LHFPL3: variants seen among roughly 807,000 people sequenced by gnomAD.
LHFPL3 encodes LHFPL tetraspan subfamily member 3 protein.
In LHFPL3, 5 loss-of-function variants were observed where a neutral mutation model predicts 19.3. That is an observed-to-expected ratio of 0.26 (90% CI 0.14 to 0.54). LHFPL3 has a LOEUF of 0.54. LHFPL3 is among the 20% of genes least tolerant of loss of function. LHFPL3 has a pLI of 0.94. For missense variants in LHFPL3, 249 were observed against 307.4 expected, an observed-to-expected ratio of 0.81 and a Z score of 1.42; for synonymous variants, 133 against 126.2, an observed-to-expected ratio of 1.05 and a Z score of -0.36.
At chr7:104,892,008 A>G (rs1792254314) in intron 2 of LHFPL3, among the ~76,000 whole-genome samples, 3 of 152,244 alleles carry the variant, frequency 2.0e-5, no homozygotes, top group Non-Finnish European at 4.4e-5. Flanking sequence ...TTCTATTGTT[A>G]TGACTTCTCA....
At chr7:104,343,030 C>T (rs1422197791) in intron 1 of LHFPL3, among the ~76,000 whole-genome samples, 1 of 144,518 alleles carries the variant, frequency 6.9e-6, no homozygotes, top group Non-Finnish European at 1.5e-5. Flanking sequence ...TCTAGAAAAC[C>T]AAACAAATGA....
At chr7:104,452,805 A>G (rs1792466225) in intron 1 of LHFPL3, among the ~76,000 whole-genome samples, 1 of 152,150 alleles carries the variant, frequency 6.6e-6, no homozygotes, top group African/African-American at 2.4e-5. Context: ...TTTAAGTTAA[A>G]AGGATGCTTA....
In LHFPL3 at chr7:104,430,424, A is replaced by ATG. The variant is rs1791961811; in HGVS notation, c.445+101201_445+101202insGT. ...TATATACATATATATATATACATAT[A>ATG]TATATATATATATATATATATATAT... On this transcript the variant is annotated intron_variant, in intron 1 of 2. Coordinates refer to ENST00000424859, the MANE Select transcript of LHFPL3 (RefSeq NM_199000.3). Among the ~76,000 whole-genome samples, 8 of 11,206 alleles carry ATG rather than the reference A, an allele frequency of 7.1e-4. 1 individual carries two copies. The highest frequency in any genetic ancestry group is 1.3e-3 in the African/African-American group (5 of 3,772). The allele number at this position is 11,206 out of a possible 152,430, so 7.4% of individuals were successfully genotyped here.
Position 104,908,491 on chromosome 7 carries a change from G to A in LHFPL3, c.*2276G>A, listed in dbSNP as rs1792662554. ...TTTTTTAAGGTCCAAGAAATGTAAA[G>A]AAATTTGTTGGAATACCTGAATTTC... On this transcript the variant is annotated 3_prime_UTR_variant, in exon 3 of 3. Coordinates refer to ENST00000424859, the MANE Select transcript of LHFPL3 (RefSeq NM_199000.3). Among the ~76,000 whole-genome samples, 1 of 151,886 alleles carries A rather than the reference G, an allele frequency of 6.6e-6. No homozygotes were observed. Among genetic ancestry groups the A allele is most frequent in the African/African-American group, 2.4e-5 (1 of 41,362 alleles).
intron 1 of LHFPL3, among the ~76,000 whole-genome samples, chr7:104,664,528 G>A (rs1792295027): frequency 2.0e-5 from 3 of 152,072 alleles, no homozygotes; most frequent in Admixed American, 1.3e-4. Flanking sequence ...CCTATGGCAG[G>A]GGTCAGCAAA....
rs115236572 is a variant in LHFPL3 at position 104,538,381 on chromosome 7, C to T, written c.446-198294C>T. ...GAGCTGAGTTACGAAAGCTAGAGCCCAATATAGAAGAGACTGCCTCTTAGA... is the reference window on the plus strand; with the variant it reads ...GAGCTGAGTTACGAAAGCTAGAGCCTAATATAGAAGAGACTGCCTCTTAGA... On this transcript the variant is annotated intron_variant, in intron 1 of 2. Coordinates refer to ENST00000424859, the MANE Select transcript of LHFPL3 (RefSeq NM_199000.3). 1.7e-3 allele frequency among the ~76,000 whole-genome samples: 261 copies of T among 152,224 alleles called. 2 individuals carry two copies. The highest frequency in any genetic ancestry group is 6.0e-3 in the African/African-American group (251 of 41,542).
At chr7:104,872,593 C>T (rs899932290) in intron 2 of LHFPL3, among the ~76,000 whole-genome samples, 8 of 151,122 alleles carry the variant, frequency 5.3e-5, no homozygotes, top group Non-Finnish European at 1.0e-4. Context: ...GGCAGTGAGC[C>T]GAGATCACAC....
intron 1 of LHFPL3, among the ~76,000 whole-genome samples, chr7:104,467,981 C>G (rs1033490852): frequency 1.3e-5 from 2 of 152,176 alleles, no homozygotes; most frequent in African/African-American, 4.8e-5. Context: ...TTATCTGGCT[C>G]TAACTCAGGA....
At position 104,460,622 on chromosome 7, in the gene LHFPL3, T is replaced by C. The variant is rs192805233; in HGVS notation, c.445+131398T>C. ...CAGTGATATTGAGGTTTTTTTAATA[T>C]GATTGTTGCCCACATGTATGTCTTC... On this transcript the variant is annotated intron_variant, in intron 1 of 2. Transcript: ENST00000424859. Among the ~76,000 whole-genome samples the C allele has an allele frequency of 1.2e-3, 184 of 152,344 alleles. 4 individuals are homozygous for C. In the East Asian group the frequency reaches 0.032, roughly 27 times the overall value.
chr7:104,802,844 G>A (rs1417044110), intron 2 of LHFPL3: 2 of 152,196 alleles, frequency 1.3e-5, no homozygotes, highest in South Asian at 2.1e-4. Context: ...CTTACCTGGA[G>A]GTTATAAGCC....
intron 1 of LHFPL3, among the ~76,000 whole-genome samples, chr7:104,644,817 A>G (rs1036716249): frequency 6.6e-6 from 1 of 152,084 alleles, no homozygotes; most frequent in Non-Finnish European, 1.5e-5. Context: ...GAACGTAAGT[A>G]TCACCTTGAG....
intron 1 of LHFPL3, among the ~76,000 whole-genome samples, chr7:104,642,778 C>T (rs766198082): frequency 1.2e-4 from 18 of 152,188 alleles, no homozygotes; most frequent in South Asian, 2.1e-4. Flanking sequence ...CTGCCAGATC[C>T]GTCAGAAGGC....
At chr7:104,503,084 C>A (rs1302480542) in intron 1 of LHFPL3, among the ~76,000 whole-genome samples, 1 of 150,656 alleles carries the variant, frequency 6.6e-6, no homozygotes, top group African/African-American at 2.5e-5. Flanking sequence ...TTTAATTATA[C>A]AACTGCTCAC....
chr7:104,892,644 G>A (rs1792273198), intron 2 of LHFPL3, among the ~76,000 whole-genome samples: 1 of 143,456 alleles, frequency 7.0e-6, no homozygotes, highest in African/African-American at 2.6e-5. Context: ...CCGGGAGGCA[G>A]AGGTTGCAGT....
At chr7:104,829,792 C>T (rs558411110) in intron 2 of LHFPL3, among the ~76,000 whole-genome samples, 3 of 151,996 alleles carry the variant, frequency 2.0e-5, no homozygotes, top group East Asian at 1.9e-4. Flanking sequence ...GATAAACATA[C>T]GTGTGCGTGT....
At chr7:104,386,878 G>A (rs1290565415) in intron 1 of LHFPL3, among the ~76,000 whole-genome samples, 1 of 152,090 alleles carries the variant, frequency 6.6e-6, no homozygotes, top group Non-Finnish European at 1.5e-5. Flanking sequence ...CTGGGTGGGA[G>A]TGGGGGTGGG....
intron 2 of LHFPL3, among the ~76,000 whole-genome samples, chr7:104,865,361 A>C (rs1482063368): frequency 6.6e-6 from 1 of 152,210 alleles, no homozygotes; most frequent in Non-Finnish European, 1.5e-5. Flanking sequence ...CTAGAATACC[A>C]GTGCAGAGAA....
intron 1 of LHFPL3, among the ~76,000 whole-genome samples, chr7:104,513,912 T>C (rs1262963212): frequency 2.6e-5 from 4 of 152,216 alleles, no homozygotes; most frequent in Non-Finnish European, 4.4e-5. Flanking sequence ...GGTACACTTA[T>C]GTTTGTTTCA....
At chr7:104,493,832 T>C (rs530052993) in intron 1 of LHFPL3, among the ~76,000 whole-genome samples, 9 of 152,266 alleles carry the variant, frequency 5.9e-5, no homozygotes, top group African/African-American at 2.2e-4. Flanking sequence ...CTCTGTACCA[T>C]GCTACACACC....
Sources: gnomAD v4.1 joint callset for allele counts (sites outside exome capture counted in the v4.1 genomes callset) on GRCh38, gnomAD v4.1.1 for gene constraint, MANE v1.5 for transcripts, NCBI Gene and HGNC (gene_info 2026-07-23, HGNC 2026-07-21) for gene names.